ZNF730: variants seen among roughly 807,000 people sequenced by gnomAD.
ZNF730 encodes zinc finger protein 730, also known as putative zinc finger protein 730.
Under a neutral mutation model 12.6 loss-of-function variants are expected in ZNF730, and 12 were observed. The observed-to-expected ratio is 0.95, with a 90% CI of 0.61 to 1.54. ZNF730 has a LOEUF of 1.54. Ranked by LOEUF, ZNF730 falls within the 40% of genes most tolerant of loss-of-function variation. ZNF730 has a pLI of 0.00. For synonymous variants in ZNF730, 194 were observed against 195.8 expected (o/e 0.99, Z 0.08); for missense variants, 643 against 583.5 (o/e 1.10, Z -1.05).
Position 23,122,539 on chromosome 19 carries a change from A to G in ZNF730, c.3+5363A>G, listed in dbSNP as rs185146593. Among the ~76,000 whole-genome samples, 283 of 152,386 alleles carry G rather than the reference A, an allele frequency of 1.9e-3. 2 individuals are homozygous for G. Among genetic ancestry groups the G allele is most frequent in the African/African-American group, 6.5e-3 (270 of 41,596 alleles). On this transcript the variant is annotated intron_variant, in intron 1 of 3. Transcript: ENST00000597761. ...ATAAAGAATAAAAAAGATACTGAGT[A>G]AACTTTTTTGACAGAAAACTGATTA...
chr19:23,119,920 A>T (rs544612479), intron 1 of ZNF730, among the ~76,000 whole-genome samples: 1 of 152,040 alleles, frequency 6.6e-6, no homozygotes, highest in South Asian at 2.1e-4. Context: ...TGTAAGATAT[A>T]ATACTTGTTT....
intron 1 of ZNF730, among the ~76,000 whole-genome samples, chr19:23,090,204 C>A (rs1052313135): frequency 2.0e-5 from 3 of 151,718 alleles, no homozygotes; most frequent in Non-Finnish European, 2.9e-5. Flanking sequence ...CAAGATTGTA[C>A]CACTGTACTC....
chr19:23,146,451 A>T lies in ZNF730; in HGVS notation c.1407A>T (p.Thr469=). 6.2e-7 allele frequency: 1 copy of T among 1,611,484 alleles called. No homozygotes were observed. ...KAFNRSSTLT[T]HKIIHSGEKI... ...TTAACCGGTCCTCAACCCTCACTAC[A>T]CATAAGATAATTCATTCTGGGGAAA... is the stretch of plus-strand genomic sequence containing the variant. Residue 469 remains threonine, a synonymous_variant, in exon 4 of 4, where the codon ACA becomes ACT. Coordinates refer to ENST00000597761, the MANE Select transcript of ZNF730 (RefSeq NM_001277403.2).
upstream of ZNF730, among the ~76,000 whole-genome samples, chr19:23,112,704 C>T (rs1329579085): frequency 2.0e-5 from 3 of 147,196 alleles, no homozygotes; most frequent in Non-Finnish European, 4.5e-5. Flanking sequence ...GGCTGGGCTA[C>T]AGAGCGAGAC....
At chr19:23,096,981 G>T (rs11878479) in intron 1 of ZNF730, among the ~76,000 whole-genome samples, 7,651 of 152,140 alleles carry the variant, frequency 0.05, 230 homozygotes, top group Middle Eastern at 0.088. Context: ...TATTTTCCCG[G>T]TTCTGGCATA....
chr19:23,121,540 C>T (rs574940271), intron 1 of ZNF730, among the ~76,000 whole-genome samples: 1 of 152,264 alleles, frequency 6.6e-6, no homozygotes, highest in South Asian at 2.1e-4. Flanking sequence ...CCAGGTTTCA[C>T]CATGTTGGTC....
intron 1 of ZNF730, among the ~76,000 whole-genome samples, chr19:23,079,008 G>A (rs544328875): frequency 1.3e-4 from 20 of 152,086 alleles, no homozygotes; most frequent in East Asian, 5.8e-4. Context: ...ATTTCACCAC[G>A]TTGGCCAGGC....
intron 1 of ZNF730, among the ~76,000 whole-genome samples, chr19:23,122,933 TC>T (rs1970618040): frequency 6.6e-6 from 1 of 152,216 alleles, no homozygotes; most frequent in Admixed American, 6.5e-5. Context: ...ATATCTAATA[TC>T]CAAAGAAAAT....
intron 1 of ZNF730, among the ~76,000 whole-genome samples, chr19:23,109,996 C>T (rs1478021048): frequency 6.6e-6 from 1 of 151,060 alleles, no homozygotes; most frequent in African/African-American, 2.4e-5. Context: ...GACGGAGTTT[C>T]ACTTTTGTTG....
At chr19:23,132,227 T>TC (rs1323542526) in intron 1 of ZNF730, among the ~76,000 whole-genome samples, 3 of 152,202 alleles carry the variant, frequency 2.0e-5, no homozygotes, top group African/African-American at 7.2e-5. Context: ...CTTACATTGT[T>TC]AAGGCATATT....
chr19:23,126,724 C>T, intron 1 of ZNF730: 2 of 467,830 alleles, frequency 4.3e-6, no homozygotes, highest in South Asian at 3.3e-5. Flanking sequence ...TCTTGTTTTG[C>T]AGACTGAGAT....
At chr19:23,129,293 T>TG (rs1970712630) in intron 1 of ZNF730, among the ~76,000 whole-genome samples, 1 of 152,140 alleles carries the variant, frequency 6.6e-6, no homozygotes, top group South Asian at 2.1e-4. Context: ...GCTTGCACCA[T>TG]GTGCCCGGAG....
At chr19:23,134,276 T>C in intron 2 of ZNF730, 70 bp downstream of exon 2, 1 of 1,310,770 alleles carries the variant, frequency 7.6e-7, no homozygotes, top group African/African-American at 1.5e-5. Flanking sequence ...AAAAATTCTG[T>C]GCTTTCAGAT....
intron 1 of ZNF730, chr19:23,127,141 T>A (rs1970681368): frequency 5.8e-6 from 3 of 516,302 alleles, no homozygotes. Context: ...GTTATGATAT[T>A]CTAAAAGAAA....
intron 1 of ZNF730, among the ~76,000 whole-genome samples, chr19:23,079,983 T>G (rs887918141): frequency 1.3e-5 from 2 of 152,180 alleles, no homozygotes; most frequent in Admixed American, 1.3e-4. Context: ...TCTTGCTGTA[T>G]CTCCCAGGCT....
chr19:23,082,301 A>C (rs1969978638), intron 1 of ZNF730, among the ~76,000 whole-genome samples: 1 of 151,742 alleles, frequency 6.6e-6, no homozygotes. Context: ...ATGACATTTC[A>C]CTTAACATGA....
chr19:23,145,689 C>G lies in ZNF730; in HGVS notation c.645C>G (p.Asn215Lys), dbSNP rs142122638. The change falls in exon 4 of 4, where the codon AAC becomes AAG. Residue 215 changes from asparagine (N) to lysine (K), a missense_variant. Physicochemically the swap from Asn to Lys is moderately conservative, Grantham distance 94. Coordinates refer to ENST00000597761, the MANE Select transcript of ZNF730 (RefSeq NM_001277403.2). ...EYGKAFNESSNCTTHKRITEK... is the reference protein window; with the variant it reads ...EYGKAFNESSKCTTHKRITEK... ...GCAAAGCCTTTAATGAGTCCTCAAA[C>G]TGTACTACACATAAAAGAATTACTG... 3.9e-6 allele frequency: 6 copies of G among 1,556,092 alleles called. No individual in the cohort carries two copies. The East Asian group carries it at 1.2e-4, about 31-fold the overall frequency.
intron 3 of ZNF730, among the ~76,000 whole-genome samples, chr19:23,140,882 G>A (rs1970906856): frequency 1.3e-5 from 2 of 152,022 alleles, no homozygotes; most frequent in South Asian, 4.1e-4. Flanking sequence ...AACCCAGGAG[G>A]CAGAGGTTGC....
chr19:23,096,626 T>C (rs1005466477), intron 1 of ZNF730, among the ~76,000 whole-genome samples: 1 of 152,170 alleles, frequency 6.6e-6, no homozygotes, highest in African/African-American at 2.4e-5. Flanking sequence ...TTCTGAGCCC[T>C]ACCCACAGAA....
Sources: allele counts gnomAD v4.1 joint callset (sites outside exome capture counted in the v4.1 genomes callset), GRCh38; gene constraint gnomAD v4.1.1; transcripts MANE v1.5; gene names NCBI Gene and HGNC (gene_info 2026-07-23, HGNC 2026-07-21).